Variants in LSAMP observed in about 807,000 individuals in gnomAD.
The protein encoded by LSAMP is limbic system-associated membrane protein.
Under a neutral mutation model 38.6 loss-of-function variants are expected in LSAMP, and 7 were observed. That is an observed-to-expected ratio of 0.18 (90% CI 0.10 to 0.34). The LOEUF (loss-of-function observed/expected upper bound fraction) is 0.34, where lower values mean the gene tolerates loss of function less well. LSAMP is among the 10% of genes least tolerant of loss of function. LSAMP has a pLI of 1.00. For missense variants in LSAMP, 313 were observed against 420.0 expected (o/e 0.75, Z 2.23); for synonymous variants, 154 against 166.8 (o/e 0.92, Z 0.59).
At chr3:116,414,642 A>C (rs1460191236) in intron 1 of LSAMP, among the ~76,000 whole-genome samples, 1 of 152,158 alleles carries the variant, frequency 6.6e-6, no homozygotes, top group African/African-American at 2.4e-5. Context: ...ATCTTGAGGA[A>C]CTGGAGGAAA....
intron 2 of LSAMP, among the ~76,000 whole-genome samples, chr3:116,023,137 T>C (rs1304162425): frequency 6.6e-6 from 1 of 151,184 alleles, no homozygotes; most frequent in Non-Finnish European, 1.5e-5. Flanking sequence ...TATATACATA[T>C]ATATGTGTAT....
chr3:116,179,881 T>C (rs1323793472), intron 1 of LSAMP, among the ~76,000 whole-genome samples: 1 of 152,204 alleles, frequency 6.6e-6, no homozygotes, highest in Non-Finnish European at 1.5e-5. Context: ...TAATTGCTGC[T>C]AGAAAGAAAT....
chr3:116,400,370 CCTTT>C (rs1232409326), intron 1 of LSAMP, among the ~76,000 whole-genome samples: 2 of 151,958 alleles, frequency 1.3e-5, no homozygotes, highest in Admixed American at 1.3e-4. Flanking sequence ...TTTCTTCCTT[CCTTT>C]TTTTTCTCTC....
intron 1 of LSAMP, among the ~76,000 whole-genome samples, chr3:116,256,631 G>T (rs189531809): frequency 1.6e-4 from 25 of 151,998 alleles, no homozygotes; most frequent in South Asian, 8.3e-4. Context: ...TTGAAAGCAT[G>T]CTCAAAATAT....
chr3:116,444,855 A>G (rs1029182562), intron 1 of LSAMP, 22 bp downstream of exon 1: 4 of 1,613,640 alleles, frequency 2.5e-6, no homozygotes, highest in Non-Finnish European at 3.4e-6. Context: ...CGCGCAGCAG[A>G]AAAGTTGCCC....
intron 6 of LSAMP, among the ~76,000 whole-genome samples, chr3:115,834,327 C>T (rs918541570): frequency 7.2e-5 from 11 of 151,978 alleles, no homozygotes; most frequent in African/African-American, 2.7e-4. Context: ...TTTAGTATTG[C>T]CTTCACAGCT....
At chr3:116,073,648 G>T (rs1474481605) in intron 2 of LSAMP, among the ~76,000 whole-genome samples, 1 of 152,084 alleles carries the variant, frequency 6.6e-6, no homozygotes, top group East Asian at 1.9e-4. Context: ...TGGAATGCTA[G>T]TGACTTTTGC....
intron 1 of LSAMP, among the ~76,000 whole-genome samples, chr3:116,119,089 C>T (rs1031742273): frequency 2.0e-5 from 3 of 152,070 alleles, no homozygotes; most frequent in Non-Finnish European, 4.4e-5. Flanking sequence ...TGCCATTTCA[C>T]ATTTTATTTC....
chr3:116,191,421 G>A (rs763933630), intron 1 of LSAMP, among the ~76,000 whole-genome samples: 3 of 152,084 alleles, frequency 2.0e-5, no homozygotes, highest in Non-Finnish European at 4.4e-5. Flanking sequence ...TAGGAAGCCC[G>A]TGAATGCCAG....
chr3:115,866,271 T>C (rs1438429687), intron 3 of LSAMP, among the ~76,000 whole-genome samples: 1 of 152,144 alleles, frequency 6.6e-6, no homozygotes, highest in Non-Finnish European at 1.5e-5. Flanking sequence ...CAAAAGCCAA[T>C]GCTGACTGCT....
In LSAMP at chr3:115,815,139, CAGAGAG is replaced by C. The variant is rs547433540; in HGVS notation, c.920-4731_920-4726del. On this transcript the variant is annotated intron_variant, in intron 6 of 6. Coordinates refer to ENST00000490035, the MANE Select transcript of LSAMP (RefSeq NM_002338.5). ...GGTACATACAGTACAATAAGATGTT[CAGAGAG>C]AGAGAGAGAAAGAGAAAGATAACAT... Among the ~76,000 whole-genome samples, 38 of 151,464 alleles carry C rather than the reference CAGAGAG, an allele frequency of 2.5e-4. No homozygotes were observed. In the East Asian group the frequency reaches 7.0e-3, roughly 28 times the overall value.
rs111466687 is a variant in LSAMP at position 115,850,961 on chromosome 3, ATCTCTC to A, written c.649+1516_649+1521del. Among the ~76,000 whole-genome samples the A allele has an allele frequency of 9.5e-3, 1,428 of 150,820 alleles. 8 individuals carry two copies. The highest frequency in any genetic ancestry group is 0.015 in the Admixed American group (220 of 15,136). On this transcript the variant is annotated intron_variant, in intron 4 of 6. Transcript: ENST00000490035. The stretch of plus-strand genomic sequence containing the variant: ...TGTGGGGATTAAACAACAAATATAA[ATCTCTC>A]TCTCTCTCTCTCTTTTTTATTTTGA...
intron 2 of LSAMP, among the ~76,000 whole-genome samples, chr3:116,023,069 G>T (rs1005826826): frequency 6.6e-6 from 1 of 151,918 alleles, no homozygotes; most frequent in African/African-American, 2.4e-5. Context: ...TGTGGTTTAT[G>T]TCATGTTCTG....
At chr3:115,982,931 C>CT (rs11386123) in intron 3 of LSAMP, among the ~76,000 whole-genome samples, 92,096 of 136,038 alleles carry the variant, frequency 0.68, 32,780 homozygotes, top group East Asian at 0.82. Context: ...CCTATGGAGA[C>CT]TTTTTTTTTT....
At chr3:115,817,438 G>A (rs528504988) in intron 6 of LSAMP, among the ~76,000 whole-genome samples, 1 of 151,316 alleles carries the variant, frequency 6.6e-6, no homozygotes, top group Non-Finnish European at 1.5e-5. Context: ...GCAGGTAGTG[G>A]ATATTCAATA....
At chr3:115,974,316 C>A (rs1939115045) in intron 3 of LSAMP, among the ~76,000 whole-genome samples, 1 of 151,804 alleles carries the variant, frequency 6.6e-6, no homozygotes, top group South Asian at 2.1e-4. Context: ...TGCACTCCAG[C>A]CTAGGCGACA....
At chr3:115,835,253 T>C (rs1934746731) in intron 6 of LSAMP, among the ~76,000 whole-genome samples, 1 of 152,136 alleles carries the variant, frequency 6.6e-6, no homozygotes, top group Admixed American at 6.5e-5. Context: ...GATCAACCAA[T>C]CAAATTTGCT....
At chr3:116,115,922 T>C (rs1708732470) in intron 1 of LSAMP, among the ~76,000 whole-genome samples, 1 of 152,004 alleles carries the variant, frequency 6.6e-6, no homozygotes, top group Non-Finnish European at 1.5e-5. Context: ...TAAATGTCCG[T>C]AGGGCGGCTT....
chr3:115,977,964 T>TCTTC (rs563065568), intron 3 of LSAMP, among the ~76,000 whole-genome samples: 2,543 of 152,178 alleles, frequency 0.017, 43 homozygotes, highest in Non-Finnish European at 0.02. Context: ...AGTCTTTCTT[T>TCTTC]CTTCCTTCCT....
Sources: gnomAD v4.1 joint callset for allele counts (sites outside exome capture counted in the v4.1 genomes callset) on GRCh38, gnomAD v4.1.1 for gene constraint, MANE v1.5 for transcripts, NCBI Gene and HGNC (gene_info 2026-07-23, HGNC 2026-07-21) for gene names.